The following RASA1 variants were observed in gnomAD, a reference collection of about 807,000 sequenced individuals.
The protein encoded by RASA1 is RAS p21 protein activator 1.
RASA1 carries 25 observed loss-of-function variants against 132.2 expected under a neutral mutation model. That is an observed-to-expected ratio of 0.19 (90% confidence interval 0.14 to 0.26). RASA1 has a LOEUF of 0.26. Among genes scored for constraint, RASA1 ranks in the 10% least tolerant of loss-of-function variants. The probability of loss-of-function intolerance (pLI) is 1.00; values close to 1 mark genes in which losing one functional copy is unlikely to be tolerated. For synonymous variants in RASA1, 477 were observed against 449.9 expected, an observed-to-expected ratio of 1.06 and a Z score of -0.76; for missense variants, 964 against 1,299.2, an observed-to-expected ratio of 0.74 and a Z score of 3.97.
intron 1 of RASA1, among the ~76,000 whole-genome samples, chr5:87,324,241 GTACTAA>G (rs1432309437): frequency 1.3e-5 from 2 of 152,126 alleles, no homozygotes; most frequent in African/African-American, 4.8e-5. Flanking sequence ...TGTGCTGTAG[GTACTAA>G]TACTAGCCTC....
At chr5:87,288,155 T>C (rs1462992209) in intron 1 of RASA1, among the ~76,000 whole-genome samples, 4 of 147,368 alleles carry the variant, frequency 2.7e-5, no homozygotes, top group African/African-American at 7.5e-5. Flanking sequence ...CATATATATA[T>C]ACCATATATA....
chr5:87,371,821 T>G (rs927375368), intron 12 of RASA1, among the ~76,000 whole-genome samples: 2 of 152,170 alleles, frequency 1.3e-5, no homozygotes, highest in African/African-American at 4.8e-5. Flanking sequence ...AGAAATAGTT[T>G]CTTTAATGTA....
chr5:87,350,725 A>C lies in RASA1; in HGVS notation c.1253+1361A>C, dbSNP rs3827610. Among the ~76,000 whole-genome samples the C allele has an allele frequency of 2.7e-3, 416 of 151,756 alleles. 5 individuals carry two copies. The highest frequency in any genetic ancestry group is 8.1e-3 in the East Asian group (42 of 5,178). ...ATGTTTTCAAAATGAGGATTAAAAAAAAAAAGTTAAATGTATGTTAATTTA... is the reference window on the plus strand; with the variant it reads ...ATGTTTTCAAAATGAGGATTAAAAACAAAAAGTTAAATGTATGTTAATTTA... On this transcript the variant is annotated intron_variant, in intron 8 of 24. Coordinates refer to ENST00000274376, the MANE Select transcript of RASA1 (RefSeq NM_002890.3).
At chr5:87,379,234 A>C (rs1761536592) in intron 18 of RASA1, among the ~76,000 whole-genome samples, 1 of 152,168 alleles carries the variant, frequency 6.6e-6, no homozygotes, top group South Asian at 2.1e-4. Flanking sequence ...ATGTGGGGTA[A>C]TGCCATAGTT....
intron 4 of RASA1, among the ~76,000 whole-genome samples, chr5:87,337,306 G>C (rs1198661117): frequency 6.6e-6 from 1 of 151,894 alleles, no homozygotes; most frequent in East Asian, 1.9e-4. Context: ...ATGCATCTCT[G>C]TACTCTTAAA....
chr5:87,314,167 C>CTT (rs1485811153), intron 1 of RASA1, among the ~76,000 whole-genome samples: 2 of 152,066 alleles, frequency 1.3e-5, no homozygotes, highest in African/African-American at 4.8e-5. Flanking sequence ...GAGCAAAACT[C>CTT]TGTCTCAAAA....
intron 12 of RASA1, 135 bp downstream of exon 12, chr5:87,370,035 A>G (rs1471768126): frequency 1.1e-5 from 9 of 805,540 alleles, no homozygotes; most frequent in Non-Finnish European, 1.8e-5. Flanking sequence ...TATTTTAAGG[A>G]ATGAGATTTC....
chr5:87,285,671 G>GCAATGA (rs1754523698), intron 1 of RASA1, among the ~76,000 whole-genome samples: 3 of 145,124 alleles, frequency 2.1e-5, no homozygotes, highest in Non-Finnish European at 3.0e-5. Flanking sequence ...AGGCTGGAGT[G>GCAATGA]CAATGGCGTG....
chr5:87,317,915 C>T (rs1392353083), intron 1 of RASA1, among the ~76,000 whole-genome samples: 1 of 152,132 alleles, frequency 6.6e-6, no homozygotes. Flanking sequence ...TAATTACAGG[C>T]TTGAGCCACC....
chr5:87,271,821 A>AG (rs1753854706), intron 1 of RASA1, among the ~76,000 whole-genome samples: 1 of 151,792 alleles, frequency 6.6e-6, no homozygotes, highest in African/African-American at 2.4e-5. Context: ...AGCAAAATTG[A>AG]GGGGAAAATA....
At chr5:87,340,110 TTTG>T (rs1219571677) in intron 5 of RASA1, among the ~76,000 whole-genome samples, 1 of 152,118 alleles carries the variant, frequency 6.6e-6, no homozygotes, top group African/African-American at 2.4e-5. Flanking sequence ...TCAGAAAATG[TTTG>T]TTGAGTAAAT....
chr5:87,268,497 G>T lies in RASA1; in HGVS notation c.46G>T (p.Ala16Ser). 6.4e-6 allele frequency: 10 copies of T among 1,565,306 alleles called. No individual in the cohort carries two copies. The highest frequency in any genetic ancestry group is 8.7e-6 in the Non-Finnish European group (10 of 1,155,816). The change falls in exon 1 of 25, where the codon GCC becomes TCC. Residue 16 changes from alanine (A) to serine (S), a missense_variant. Physicochemically the swap from Ala to Ser is moderately conservative, Grantham distance 99 (BLOSUM62 1). This residue lies in a region of RASA1 where 326 missense variants were observed against 275.8 expected (regional missense o/e 1.18). Coordinates refer to ENST00000274376, the MANE Select transcript of RASA1 (RefSeq NM_002890.3). ...CAGTGAGGAGGGCGGCCCGGTAACA[G>T]CCGGAGCTGGAGGAGGCGGCGCGGC... Reference protein sequence around the residue: ...AGSEEGGPVTAGAGGGGAAAG... With the variant: ...AGSEEGGPVTSGAGGGGAAAG...
intron 1 of RASA1, among the ~76,000 whole-genome samples, chr5:87,287,193 G>A (rs548855443): frequency 3.1e-4 from 34 of 108,478 alleles, no homozygotes; most frequent in South Asian, 6.0e-4. Flanking sequence ...TATACACACC[G>A]TATATACACA....
chr5:87,349,251 T>A lies in RASA1; in HGVS notation c.1140T>A (p.Asp380Glu). The change falls in exon 8 of 25, where the codon GAT (aspartate) becomes GAA (glutamate). Residue 380 changes from aspartate to glutamate, a missense_variant. Around this residue, in one of 6 missense-constraint regions of RASA1, gnomAD observed 154 missense variants for 286.5 expected, o/e 0.54. Transcript: ENST00000274376. The stretch of plus-strand genomic sequence containing the variant: ...GCAGTTTTCTTGTGAGGCCCTCAGA[T>A]AATACTCCTGGCGATTATTCACTTT... ...QVCSFLVRPSDNTPGDYSLYF... is the reference protein window; with the variant it reads ...QVCSFLVRPSENTPGDYSLYF... The A allele has an allele frequency of 6.2e-7, 1 of 1,612,198 alleles. No individual in the cohort carries two copies. Among genetic ancestry groups the A allele is most frequent in the Non-Finnish European group, 8.5e-7 (1 of 1,178,712 alleles).
intron 11 of RASA1, among the ~76,000 whole-genome samples, chr5:87,367,061 A>C (rs984989815): frequency 3.9e-5 from 6 of 152,092 alleles, no homozygotes; most frequent in Non-Finnish European, 5.9e-5. Context: ...CAACAACAAA[A>C]ATTTTTTTTT....
chr5:87,335,735 A>T (rs1252799642), intron 4 of RASA1, among the ~76,000 whole-genome samples: 1 of 152,072 alleles, frequency 6.6e-6, no homozygotes, highest in Admixed American at 6.6e-5. Context: ...CAAGAATGAG[A>T]GGTTTTGATA....
intron 1 of RASA1, among the ~76,000 whole-genome samples, chr5:87,277,222 G>A (rs115754118): frequency 3.3e-5 from 5 of 152,090 alleles, no homozygotes; most frequent in African/African-American, 9.7e-5. Context: ...TTTCCATTAC[G>A]TAGAATGTAC....
intron 1 of RASA1, among the ~76,000 whole-genome samples, chr5:87,314,086 T>C (rs1340785546): frequency 6.6e-6 from 1 of 152,130 alleles, no homozygotes; most frequent in East Asian, 1.9e-4. Context: ...GGCAGGAGAA[T>C]CGCTTGAACC....
At chr5:87,358,898 C>G (rs1561307840) in intron 9 of RASA1, among the ~76,000 whole-genome samples, 1 of 152,128 alleles carries the variant, frequency 6.6e-6, no homozygotes, top group Non-Finnish European at 1.5e-5. Flanking sequence ...ATCCACTAGC[C>G]TCACTCTTAC....
Sources: allele counts gnomAD v4.1 joint callset (sites outside exome capture counted in the v4.1 genomes callset), GRCh38; gene constraint gnomAD v4.1.1; regional missense constraint gnomAD v4.1.1; transcripts MANE v1.5; gene names NCBI Gene and HGNC (gene_info 2026-07-23, HGNC 2026-07-21).